Variants in MTUS2 observed in about 807,000 individuals in gnomAD.
MTUS2 encodes the protein microtubule associated scaffold protein 2.
Under a neutral mutation model 114.1 loss-of-function variants are expected in MTUS2, and 40 were observed. The ratio of observed to expected loss-of-function variants is 0.35; its 90% CI spans 0.27 to 0.46. The LOEUF (loss-of-function observed/expected upper bound fraction) is 0.46, where lower values mean the gene tolerates loss of function less well. Ranked by LOEUF, MTUS2 falls within the 20% of genes least tolerant of loss-of-function variation. The pLI is 1.00. For missense variants in MTUS2, 1,679 were observed against 1,705.4 expected, an observed-to-expected ratio of 0.98 and a Z score of 0.27; for synonymous variants, 688 against 672.0, an observed-to-expected ratio of 1.02 and a Z score of -0.37.
At position 29,459,128 on chromosome 13, in the gene MTUS2, C is replaced by T. The variant is rs76169257; in HGVS notation, c.3184+19079C>T. 2.2e-3 allele frequency among the ~76,000 whole-genome samples: 340 copies of T among 152,322 alleles called. 2 individuals are homozygous for T. Among genetic ancestry groups the T allele is most frequent in the African/African-American group, 8.0e-3 (332 of 41,576 alleles). On this transcript the variant is annotated intron_variant, in intron 9 of 15. Coordinates refer to ENST00000612955, the MANE Select transcript of MTUS2 (RefSeq NM_001033602.4). ...ACCCAAGCGGAGTCACTTGCCTGCA[C>T]GAAGCTTCCAAGGAGATTGGAAAAT...
intron 2 of MTUS2, among the ~76,000 whole-genome samples, chr13:28,850,618 G>A (rs927309844): frequency 6.6e-6 from 1 of 152,222 alleles, no homozygotes; most frequent in African/African-American, 2.4e-5. Context: ...GTGTTAAACA[G>A]TAGAGGGAGA....
At position 29,433,636 on chromosome 13, in the gene MTUS2, G is replaced by A. The variant is rs890967732; in HGVS notation, c.3118-6347G>A. ...TAGTATTAGTATTGAAAACGAGTGC[G>A]ATAGCCACAAAAGGTGGTATGAAAA... On this transcript the variant is annotated intron_variant, in intron 8 of 15. Coordinates refer to ENST00000612955, the MANE Select transcript of MTUS2 (RefSeq NM_001033602.4). Among the ~76,000 whole-genome samples, 4 of 152,174 alleles carry A rather than the reference G, an allele frequency of 2.6e-5. No homozygotes were observed. The East Asian group carries it at 7.7e-4, about 29-fold the overall frequency.
chr13:29,150,486 AG>A (rs1283322979), intron 5 of MTUS2, among the ~76,000 whole-genome samples: 1 of 152,098 alleles, frequency 6.6e-6, no homozygotes, highest in African/African-American at 2.4e-5. Flanking sequence ...CTCATTCTAT[AG>A]GTTTCTGTTC....
At chr13:29,015,088 T>G (rs1446309758) in intron 2 of MTUS2, among the ~76,000 whole-genome samples, 1 of 152,162 alleles carries the variant, frequency 6.6e-6, no homozygotes, top group Non-Finnish European at 1.5e-5. Flanking sequence ...AAAGCAATGT[T>G]GGAGGAACAG....
chr13:28,847,886 G>C (rs1313289004), intron 2 of MTUS2, among the ~76,000 whole-genome samples: 1 of 152,116 alleles, frequency 6.6e-6, no homozygotes, highest in Non-Finnish European at 1.5e-5. Context: ...CTTGGGAGGA[G>C]AGCGGGAAGG....
intron 8 of MTUS2, among the ~76,000 whole-genome samples, chr13:29,438,823 A>G (rs1430916367): frequency 6.6e-6 from 1 of 152,210 alleles, no homozygotes; most frequent in Non-Finnish European, 1.5e-5. Context: ...TATTTTTGGC[A>G]TGATGAATAT....
intron 9 of MTUS2, among the ~76,000 whole-genome samples, chr13:29,448,487 T>A (rs1389298735): frequency 2.0e-5 from 3 of 152,100 alleles, no homozygotes; most frequent in Non-Finnish European, 2.9e-5. Context: ...AAATGTCTTT[T>A]TTTTCCCCTT....
chr13:28,877,126 A>G (rs1375384983), intron 2 of MTUS2, among the ~76,000 whole-genome samples: 1 of 146,264 alleles, frequency 6.8e-6, no homozygotes, highest in East Asian at 1.9e-4. Context: ...CGTCTCTACT[A>G]AAAATACAAA....
chr13:28,953,604 T>C (rs1712381408), intron 2 of MTUS2, among the ~76,000 whole-genome samples: 1 of 152,256 alleles, frequency 6.6e-6, no homozygotes, highest in African/African-American at 2.4e-5. Flanking sequence ...TGTGATATCT[T>C]TTGCTTTTGC....
intron 5 of MTUS2, among the ~76,000 whole-genome samples, chr13:29,116,287 A>G (rs1891082331): frequency 6.6e-6 from 1 of 152,208 alleles, no homozygotes; most frequent in Non-Finnish European, 1.5e-5. Context: ...CCCTAAATAT[A>G]TGCAATAAAT....
intron 4 of MTUS2, among the ~76,000 whole-genome samples, chr13:29,045,636 A>G (rs1041254003): frequency 4.6e-5 from 7 of 152,202 alleles, no homozygotes; most frequent in Admixed American, 4.6e-4. Flanking sequence ...CTACATAACC[A>G]TGGTGGAGAG....
intron 8 of MTUS2, among the ~76,000 whole-genome samples, chr13:29,389,725 A>G (rs62649131): frequency 0.41 from 13,270 of 32,746 alleles, 3,597 homozygotes; most frequent in South Asian, 0.64. Flanking sequence ...ATATACATAC[A>G]TATGTGTGTA....
At chr13:29,412,410 G>A (rs913890732) in intron 8 of MTUS2, among the ~76,000 whole-genome samples, 1 of 152,054 alleles carries the variant, frequency 6.6e-6, no homozygotes, top group Non-Finnish European at 1.5e-5. Context: ...TAAATTACTG[G>A]CTTAAGTCCC....
intron 9 of MTUS2, among the ~76,000 whole-genome samples, chr13:29,467,669 T>G (rs1209374080): frequency 6.6e-6 from 1 of 152,224 alleles, no homozygotes; most frequent in Non-Finnish European, 1.5e-5. Context: ...AACCATCCTC[T>G]TAAATCCATT....
intron 7 of MTUS2, among the ~76,000 whole-genome samples, chr13:29,325,824 G>A (rs991320849): frequency 6.6e-6 from 1 of 152,182 alleles, no homozygotes; most frequent in Non-Finnish European, 1.5e-5. Context: ...TACATGTGAG[G>A]AAAGTGAGGC....
chr13:29,239,624 G>A (rs1280459343), intron 5 of MTUS2: 2 of 152,304 alleles, frequency 1.3e-5, no homozygotes, highest in African/African-American at 2.4e-5. Flanking sequence ...CTAGTGGGAC[G>A]GGCAGATGGA....
chr13:29,418,082 G>A (rs947987076), intron 8 of MTUS2, among the ~76,000 whole-genome samples: 2 of 152,076 alleles, frequency 1.3e-5, no homozygotes, highest in African/African-American at 2.4e-5. Context: ...CCTGACCTCC[G>A]TAAGCCCCTG....
At chr13:29,079,193 A>G (rs1889331979) in intron 4 of MTUS2, among the ~76,000 whole-genome samples, 1 of 152,052 alleles carries the variant, frequency 6.6e-6, no homozygotes. Flanking sequence ...GCATTTTGTC[A>G]TGTGTTGCTG....
At chr13:29,130,661 CTG>C (rs983591427) in intron 5 of MTUS2, among the ~76,000 whole-genome samples, 50 of 152,214 alleles carry the variant, frequency 3.3e-4, no homozygotes, top group African/African-American at 1.2e-3. Flanking sequence ...GAGCCTTGCT[CTG>C]TTGCCAGGCC....
Sources: allele counts gnomAD v4.1 joint callset (sites outside exome capture counted in the v4.1 genomes callset), GRCh38; gene constraint gnomAD v4.1.1; transcripts MANE v1.5; gene names NCBI Gene and HGNC (gene_info 2026-07-23, HGNC 2026-07-21).